Variants in FARS2 observed in about 807,000 individuals in gnomAD.
FARS2 encodes phenylalanine--tRNA ligase, mitochondrial.
In FARS2, 40 loss-of-function variants were observed where a neutral mutation model predicts 46.4. That is an observed-to-expected ratio of 0.86 (90% CI 0.67 to 1.12). The LOEUF (loss-of-function observed/expected upper bound fraction) is 1.12. Among genes scored for constraint, FARS2 ranks in the 50% most tolerant of loss-of-function variants. The pLI, the probability that FARS2 is intolerant of heterozygous loss-of-function variation, is 0.00. For synonymous variants in FARS2, 234 were observed against 214.9 expected (o/e 1.09, Z -0.78); for missense variants, 513 against 567.9 (o/e 0.90, Z 0.98).
At chr6:5,364,479 G>T (rs1211738230) in intron 1 of FARS2, among the ~76,000 whole-genome samples, 1 of 152,038 alleles carries the variant, frequency 6.6e-6, no homozygotes, top group African/African-American at 2.4e-5. Context: ...TTGTATTCTT[G>T]CTCCTTTTTT....
At chr6:5,484,975 G>T (rs1254315905) in intron 4 of FARS2, among the ~76,000 whole-genome samples, 1 of 152,200 alleles carries the variant, frequency 6.6e-6, no homozygotes, top group African/African-American at 2.4e-5. Context: ...GTGTTCTGGA[G>T]ACCTGAAGAG....
chr6:5,726,405 T>G (rs1760259735), intron 6 of FARS2, among the ~76,000 whole-genome samples: 1 of 152,130 alleles, frequency 6.6e-6, no homozygotes, highest in South Asian at 2.1e-4. Flanking sequence ...GGGCAAATAT[T>G]TAGGCAATGA....
chr6:5,362,927 C>CTTTTTTTT (rs55686418), intron 1 of FARS2, among the ~76,000 whole-genome samples: 14 of 124,204 alleles, frequency 1.1e-4, no homozygotes, highest in Non-Finnish European at 1.3e-4. Context: ...TTCTTTCTTT[C>CTTTTTTTT]TTTTTTTTTT....
chr6:5,437,591 T>C (rs1249031089), intron 4 of FARS2, among the ~76,000 whole-genome samples: 1 of 152,198 alleles, frequency 6.6e-6, no homozygotes, highest in African/African-American at 2.4e-5. Context: ...TTTATCATTG[T>C]GAAATGTCTT....
At chr6:5,622,534 C>T (rs1334672765) in intron 6 of FARS2, among the ~76,000 whole-genome samples, 1 of 152,158 alleles carries the variant, frequency 6.6e-6, no homozygotes, top group Non-Finnish European at 1.5e-5. Context: ...AGGGCTCTGC[C>T]CTCATGAATG....
chr6:5,741,395 T>C (rs978532406), intron 6 of FARS2, among the ~76,000 whole-genome samples: 3 of 152,196 alleles, frequency 2.0e-5, no homozygotes, highest in African/African-American at 7.2e-5. Context: ...TGCCCTTCTA[T>C]ATGTTCTTCA....
intron 1 of FARS2, among the ~76,000 whole-genome samples, chr6:5,333,889 A>C (rs972769320): frequency 6.6e-6 from 1 of 152,176 alleles, no homozygotes; most frequent in Non-Finnish European, 1.5e-5. Context: ...AGTGTGACTC[A>C]TCATTAAATA....
chr6:5,275,937 A>G (rs767386911), intron 1 of FARS2, among the ~76,000 whole-genome samples: 14 of 152,158 alleles, frequency 9.2e-5, no homozygotes, highest in Non-Finnish European at 1.8e-4. Context: ...ATTTTTATAT[A>G]TTGAAGTTAA....
At chr6:5,445,302 C>T (rs909454856) in intron 4 of FARS2, among the ~76,000 whole-genome samples, 1 of 152,132 alleles carries the variant, frequency 6.6e-6, no homozygotes, top group Non-Finnish European at 1.5e-5. Context: ...TAGTGATGTG[C>T]TCTCAGTGGC....
chr6:5,392,315 T>A (rs1248718440), intron 2 of FARS2, among the ~76,000 whole-genome samples: 1 of 152,208 alleles, frequency 6.6e-6, no homozygotes, highest in Admixed American at 6.5e-5. Flanking sequence ...TGTGTTGTGT[T>A]GTGCACATGG....
intron 6 of FARS2, among the ~76,000 whole-genome samples, chr6:5,686,342 TC>T (rs369821944): frequency 4.1e-5 from 6 of 148,054 alleles, no homozygotes; most frequent in Admixed American, 2.0e-4. Flanking sequence ...CCTAATGCTC[TC>T]CCCCCCCGCT....
At chr6:5,657,373 C>T (rs1251993384) in intron 6 of FARS2, among the ~76,000 whole-genome samples, 1 of 152,186 alleles carries the variant, frequency 6.6e-6, no homozygotes, top group African/African-American at 2.4e-5. Flanking sequence ...GGCATCTCTT[C>T]CACTGTGCTG....
chr6:5,490,786 C>T (rs575237145), intron 4 of FARS2, among the ~76,000 whole-genome samples: 1 of 152,212 alleles, frequency 6.6e-6, no homozygotes, highest in South Asian at 2.1e-4. Flanking sequence ...GAACTGAGAC[C>T]TCTGGCCAAC....
intron 4 of FARS2, among the ~76,000 whole-genome samples, chr6:5,501,986 G>A (rs992389449): frequency 1.3e-5 from 2 of 152,176 alleles, no homozygotes; most frequent in Non-Finnish European, 2.9e-5. Flanking sequence ...CTTCTCCCAG[G>A]CCTTTCACAG....
chr6:5,528,370 C>G (rs1769604958), intron 4 of FARS2, among the ~76,000 whole-genome samples: 1 of 152,126 alleles, frequency 6.6e-6, no homozygotes. Context: ...TAAGACCATA[C>G]TTGACTGACT....
chr6:5,609,985 G>A (rs113003362), intron 5 of FARS2: 143 of 1,208,326 alleles, frequency 1.2e-4, no homozygotes, highest in African/African-American at 1.1e-3. Context: ...CCTTGCATTC[G>A]TGGCTGCTTC....
intron 6 of FARS2, among the ~76,000 whole-genome samples, chr6:5,668,501 T>C (rs540385925): frequency 1.3e-5 from 2 of 152,304 alleles, no homozygotes; most frequent in South Asian, 4.1e-4. Flanking sequence ...TGAACTTCAT[T>C]CAATTAAATG....
intron 3 of FARS2, among the ~76,000 whole-genome samples, chr6:5,421,963 C>T (rs770559528): frequency 1.1e-4 from 17 of 152,318 alleles, no homozygotes; most frequent in Middle Eastern, 3.4e-3. Flanking sequence ...TTTTCAGCAG[C>T]GCCCCACTCT....
chr6:5,517,441 T>G (rs765443894), intron 4 of FARS2, among the ~76,000 whole-genome samples: 5 of 152,026 alleles, frequency 3.3e-5, no homozygotes, highest in African/African-American at 4.8e-5. Flanking sequence ...GGAGAAGCCC[T>G]GTCTCTACTA....
Sources: allele counts gnomAD v4.1 joint callset (sites outside exome capture counted in the v4.1 genomes callset), GRCh38; gene constraint gnomAD v4.1.1; transcripts MANE v1.5; gene names NCBI Gene and HGNC (gene_info 2026-07-23, HGNC 2026-07-21).